NBEA: variants seen among roughly 807,000 people sequenced by gnomAD.
The protein encoded by NBEA is lysosomal-trafficking regulator 2.
NBEA carries 44 observed loss-of-function variants against 343.4 expected under a neutral mutation model. That is an observed-to-expected ratio of 0.13 (90% CI 0.10 to 0.16). The LOEUF (loss-of-function observed/expected upper bound fraction) is 0.16. Among genes scored for constraint, NBEA ranks in the 10% least tolerant of loss-of-function variants. The pLI is 1.00. For synonymous variants in NBEA, 1,175 were observed against 1,238.7 expected (o/e 0.95, Z 1.08); for missense variants, 2,555 against 3,631.3 (o/e 0.70, Z 7.62).
intron 47 of NBEA, among the ~76,000 whole-genome samples, chr13:35,598,202 TAAACTTCGGTAG>T (rs1464914083): frequency 3.9e-5 from 6 of 152,270 alleles, no homozygotes; most frequent in Admixed American, 2.0e-4. Flanking sequence ...ACAGAACAGT[TAAACTTCGGTAG>T]AAACTCCATT....
intron 30 of NBEA, chr13:35,185,306 T>C (rs1033198996): frequency 1.3e-5 from 2 of 152,156 alleles, no homozygotes; most frequent in African/African-American, 4.8e-5. Flanking sequence ...CTCCAGGTGA[T>C]ACAATACTTC....
At chr13:35,347,680 C>T (rs956654366) in intron 36 of NBEA, among the ~76,000 whole-genome samples, 1 of 151,932 alleles carries the variant, frequency 6.6e-6, no homozygotes, top group African/African-American at 2.4e-5. Flanking sequence ...CCTCTTCCTC[C>T]TCCTCCTCTT....
At chr13:35,456,350 A>G (rs889016554) in intron 40 of NBEA, among the ~76,000 whole-genome samples, 3 of 152,034 alleles carry the variant, frequency 2.0e-5, no homozygotes, top group African/African-American at 7.2e-5. Context: ...ATTGTAGCAA[A>G]TGGCTAATAT....
In NBEA at chr13:35,159,692, C is replaced by A. The variant is rs1366255556; in HGVS notation, c.3521C>A (p.Thr1174Lys). The A allele has an allele frequency of 6.2e-7, 1 of 1,612,818 alleles. No individual in the cohort carries two copies. Among genetic ancestry groups the A allele is most frequent in the Admixed American group, 1.7e-5 (1 of 59,824 alleles). Residue 1174 changes from threonine (T) to lysine (K), a missense_variant, in exon 22 of 59, where the codon ACA becomes AAA. Coordinates refer to ENST00000379939, the MANE Select transcript of NBEA (RefSeq NM_001385012.1). ...CACATTATTCCAAATATTCAGGACA[C>A]ACAAGTACATCTTGGTGTTAGTGAT... ...SNHIIPNIQD[T>K]QVHLGVSDDL...
chr13:35,455,388 T>C (rs2046521874), intron 40 of NBEA, among the ~76,000 whole-genome samples: 1 of 150,602 alleles, frequency 6.6e-6, no homozygotes, highest in African/African-American at 2.4e-5. Flanking sequence ...ATAGATCAAT[T>C]TCTGTTTATA....
chr13:34,994,151 T>C (rs892649316), intron 1 of NBEA, among the ~76,000 whole-genome samples: 4 of 126,820 alleles, frequency 3.2e-5, no homozygotes, highest in African/African-American at 1.3e-4. Context: ...TGAGCCGAGG[T>C]CATGCCACTG....
chr13:35,658,345 T>G (rs1418920158), intron 55 of NBEA, among the ~76,000 whole-genome samples: 2 of 152,164 alleles, frequency 1.3e-5, no homozygotes, highest in East Asian at 3.9e-4. Context: ...TGTCAAGACT[T>G]TATTAGATAT....
intron 34 of NBEA, among the ~76,000 whole-genome samples, chr13:35,271,875 C>T (rs1017779214): frequency 1.3e-5 from 2 of 152,156 alleles, no homozygotes; most frequent in Non-Finnish European, 2.9e-5. Flanking sequence ...CAACTCTACG[C>T]TTGATTGGTG....
At chr13:35,189,997 T>C (rs1265817839) in intron 30 of NBEA, among the ~76,000 whole-genome samples, 1 of 152,092 alleles carries the variant, frequency 6.6e-6, no homozygotes, top group African/African-American at 2.4e-5. Context: ...ACACCAGTGG[T>C]AGTTTTGAAA....
chr13:35,588,766 A>G (rs1033397495), intron 46 of NBEA, among the ~76,000 whole-genome samples: 1 of 152,152 alleles, frequency 6.6e-6, no homozygotes, highest in Non-Finnish European at 1.5e-5. Context: ...TATAACATGT[A>G]TACAGAAGTA....
intron 18 of NBEA, among the ~76,000 whole-genome samples, chr13:35,144,040 A>G (rs1438621142): frequency 3.3e-5 from 5 of 152,312 alleles, no homozygotes; most frequent in South Asian, 2.1e-4. Flanking sequence ...ATGATGGGGG[A>G]AAAAGTGTAT....
chr13:35,002,778 C>T (rs1447696849), intron 1 of NBEA, among the ~76,000 whole-genome samples: 1 of 152,124 alleles, frequency 6.6e-6, no homozygotes, highest in South Asian at 2.1e-4. Context: ...TTTCGGGATG[C>T]CATGAACTCT....
chr13:35,065,523 C>CTA (rs2063620073), intron 8 of NBEA, among the ~76,000 whole-genome samples: 1 of 151,894 alleles, frequency 6.6e-6, no homozygotes, highest in Non-Finnish European at 1.5e-5. Context: ...TGTTCTTGTA[C>CTA]TATACTTTTA....
At chr13:35,666,477 G>C (rs1444519011) in intron 56 of NBEA, among the ~76,000 whole-genome samples, 1 of 151,482 alleles carries the variant, frequency 6.6e-6, no homozygotes, top group Non-Finnish European at 1.5e-5. Context: ...ATTTCCTGCA[G>C]GGGCTGTGTG....
intron 10 of NBEA, among the ~76,000 whole-genome samples, chr13:35,088,546 G>A (rs2064893871): frequency 6.6e-6 from 1 of 151,836 alleles, no homozygotes; most frequent in Non-Finnish European, 1.5e-5. Context: ...GTAAAAATTT[G>A]GCTTTTCCAG....
intron 36 of NBEA, among the ~76,000 whole-genome samples, chr13:35,334,287 T>A (rs758479141): frequency 2.6e-5 from 4 of 152,112 alleles, no homozygotes; most frequent in Admixed American, 1.3e-4. Context: ...TTGTTTGTTT[T>A]GGGACAGAGT....
intron 35 of NBEA, among the ~76,000 whole-genome samples, chr13:35,299,419 C>G (rs1186124830): frequency 1.3e-5 from 2 of 152,112 alleles, no homozygotes; most frequent in Non-Finnish European, 2.9e-5. Context: ...TTCGACTAGT[C>G]CATCTAACTA....
Position 35,159,163 on chromosome 13 carries a change from A to G in NBEA, c.2992A>G (p.Met998Val), listed in dbSNP as rs377687974. ...SSQTTGAKGG[M>V]EIREIEDLSQ... ...ACAGACAACAGGAGCAAAAGGTGGA[A>G]TGGAAATTCGAGAGATAGAAGATCT... The change falls in exon 22 of 59, where the codon ATG (methionine) becomes GTG (valine). Residue 998 changes from methionine to valine, a missense_variant. Physicochemically the swap from Met to Val is conservative, Grantham distance 21. Coordinates refer to ENST00000379939, the MANE Select transcript of NBEA (RefSeq NM_001385012.1). The G allele has an allele frequency of 8.7e-6, 14 of 1,613,472 alleles. No individual in the cohort carries two copies. Among genetic ancestry groups the G allele is most frequent in the Non-Finnish European group, 1.2e-5 (14 of 1,179,626 alleles).
At chr13:35,122,100 TA>T (rs1454809891) in intron 16 of NBEA, among the ~76,000 whole-genome samples, 3 of 152,206 alleles carry the variant, frequency 2.0e-5, no homozygotes, top group Non-Finnish European at 4.4e-5. Context: ...CCTACTTTTA[TA>T]TAGTACTTGA....
Sources: gnomAD v4.1 joint callset for allele counts (sites outside exome capture counted in the v4.1 genomes callset) on GRCh38, gnomAD v4.1.1 for gene constraint, MANE v1.5 for transcripts, NCBI Gene and HGNC (gene_info 2026-07-23, HGNC 2026-07-21) for gene names.